Variants in GRM3 observed in about 807,000 individuals in gnomAD.
The protein encoded by GRM3 is metabotropic glutamate receptor 3.
In GRM3, 26 loss-of-function variants were observed where a neutral mutation model predicts 70.5. That is an observed-to-expected ratio of 0.37 (90% CI 0.27 to 0.51). The LOEUF is 0.51. Ranked by LOEUF, GRM3 falls within the 20% of genes least tolerant of loss-of-function variation. GRM3 has a pLI of 0.93. For missense variants in GRM3, 859 were observed against 1,123.8 expected, an observed-to-expected ratio of 0.76 and a Z score of 3.37; for synonymous variants, 443 against 434.9, an observed-to-expected ratio of 1.02 and a Z score of -0.23.
intron 3 of GRM3, among the ~76,000 whole-genome samples, chr7:86,792,230 T>C (rs561956950): frequency 2.7e-4 from 41 of 152,212 alleles, no homozygotes; most frequent in Admixed American, 2.6e-4. Context: ...AAGGCCTTCC[T>C]CAAAGATGAG....
intron 1 of GRM3, among the ~76,000 whole-genome samples, chr7:86,661,177 C>T (rs73398406): frequency 0.036 from 5,529 of 151,958 alleles, 321 homozygotes; most frequent in African/African-American, 0.12. Flanking sequence ...AGAATCACCC[C>T]GAACAAAGTA....
At chr7:86,757,237 A>G (rs1043745345) in intron 1 of GRM3, among the ~76,000 whole-genome samples, 10 of 152,184 alleles carry the variant, frequency 6.6e-5, no homozygotes, top group African/African-American at 2.4e-4. Flanking sequence ...TTATACTTAC[A>G]TGCTGGTTAT....
intron 3 of GRM3, among the ~76,000 whole-genome samples, chr7:86,810,223 G>C (rs768332677): frequency 1.3e-5 from 2 of 151,778 alleles, no homozygotes; most frequent in African/African-American, 2.4e-5. Flanking sequence ...TTTGTCAAAA[G>C]GTCAAGAAAA....
intron 3 of GRM3, among the ~76,000 whole-genome samples, chr7:86,822,970 A>G (rs74477759): frequency 0.01 from 1,596 of 152,234 alleles, 14 homozygotes; most frequent in Non-Finnish European, 0.016. Context: ...AAGAACAGAA[A>G]TTTCAGCTAA....
At chr7:86,712,507 T>C (rs1461023094) in intron 1 of GRM3, among the ~76,000 whole-genome samples, 1 of 152,186 alleles carries the variant, frequency 6.6e-6, no homozygotes, top group East Asian at 1.9e-4. Context: ...AATTATTCCC[T>C]TCCAGGTATT....
rs1232791192 is a variant in GRM3, at chr7:86,786,464, G to A, written c.672G>A (p.Glu224=). The A allele has an allele frequency of 1.9e-6, 3 of 1,614,254 alleles. No individual in the cohort carries two copies. The highest frequency in any genetic ancestry group is 2.5e-6 in the Non-Finnish European group (3 of 1,180,044). Reference sequence around the variant, plus strand: ...TAGCCTCCGAGGGTGATTACGGGGAGACAGGGATCGAGGCCTTCGAGCAGG... The same window carrying A: ...TAGCCTCCGAGGGTGATTACGGGGAAACAGGGATCGAGGCCTTCGAGCAGG... ...STVASEGDYG[E]TGIEAFEQEA... Residue 224 remains glutamate, a synonymous_variant, in exon 3 of 6, where the codon GAG becomes GAA. Transcript: ENST00000361669. This position sits in a 1 kb window ranked among gnomAD's most constrained non-coding sequence, Gnocchi z 6.0.
At chr7:86,684,706 CAG>C (rs1245617678) in intron 1 of GRM3, among the ~76,000 whole-genome samples, 8 of 152,144 alleles carry the variant, frequency 5.3e-5, no homozygotes, top group Non-Finnish European at 1.0e-4. Context: ...AATATGGTAA[CAG>C]TGTTTAATCA....
intron 3 of GRM3, among the ~76,000 whole-genome samples, chr7:86,838,259 A>T (rs747630884): frequency 2.0e-5 from 3 of 152,218 alleles, no homozygotes; most frequent in Non-Finnish European, 4.4e-5. Flanking sequence ...AATATCCAAA[A>T]TATTAAACTA....
At chr7:86,688,696 A>C (rs534331724) in intron 1 of GRM3, among the ~76,000 whole-genome samples, 9 of 149,612 alleles carry the variant, frequency 6.0e-5, no homozygotes, top group Non-Finnish European at 1.3e-4. Context: ...TATCATATAT[A>C]TATATGAGAA....
At chr7:86,716,536 C>T (rs1795320576) in intron 1 of GRM3, among the ~76,000 whole-genome samples, 1 of 151,728 alleles carries the variant, frequency 6.6e-6, no homozygotes, top group Admixed American at 6.6e-5. Context: ...TATCCTTATC[C>T]ACAAGGTATC....
chr7:86,688,430 C>G (rs1794616844), intron 1 of GRM3, among the ~76,000 whole-genome samples: 1 of 151,528 alleles, frequency 6.6e-6, no homozygotes, highest in Admixed American at 6.6e-5. Flanking sequence ...AGGGTTAAGT[C>G]CATAGCAAGC....
At chr7:86,804,088 C>G (rs1797738312) in intron 3 of GRM3, among the ~76,000 whole-genome samples, 1 of 152,110 alleles carries the variant, frequency 6.6e-6, no homozygotes, top group South Asian at 2.1e-4. Context: ...ATTCTTGGAT[C>G]ATTGCACAGT....
intron 2 of GRM3, among the ~76,000 whole-genome samples, chr7:86,767,559 A>AT (rs1491358682): frequency 8.9e-5 from 11 of 123,008 alleles, no homozygotes; most frequent in African/African-American, 2.4e-4. Flanking sequence ...ATATATATAT[A>AT]AATGAAGTAT....
rs564569341 is a variant in GRM3 at position 86,782,056 on chromosome 7, C to T, written c.469-4205C>T. 5.9e-5 allele frequency among the ~76,000 whole-genome samples: 9 copies of T among 152,260 alleles called. No homozygotes were observed. The South Asian group carries it at 8.3e-4, about 14-fold the overall frequency. The stretch of plus-strand genomic sequence containing the variant: ...CCATGCTGATTCCTAGTACTTTCCT[C>T]GTTCAGTTCTAAGTGTTTCCATGCT... On this transcript the variant is annotated intron_variant, in intron 2 of 5. Transcript: ENST00000361669.
intron 3 of GRM3, among the ~76,000 whole-genome samples, chr7:86,800,307 G>C (rs1403895727): frequency 6.6e-6 from 1 of 152,110 alleles, no homozygotes; most frequent in Non-Finnish European, 1.5e-5. Flanking sequence ...AACTGAAGGA[G>C]ATAGAGACAT....
At chr7:86,690,100 CA>C (rs1794662281) in intron 1 of GRM3, among the ~76,000 whole-genome samples, 3 of 152,050 alleles carry the variant, frequency 2.0e-5, no homozygotes, top group Non-Finnish European at 4.4e-5. Context: ...CAATGACAGG[CA>C]AGGGGCCTGT....
chr7:86,764,703 GA>G lies in GRM3; in HGVS notation c.-140-294del, dbSNP rs531499653. On this transcript the variant is annotated intron_variant, in intron 1 of 5. Transcript: ENST00000361669. Reference sequence around the variant, plus strand: ...AGAGTACTGGACTTGGCTTTCAAAAGAAAAAAAAACAAAACACAAAAAAACT... The same window carrying G: ...AGAGTACTGGACTTGGCTTTCAAAAGAAAAAAAACAAAACACAAAAAAACT... Among the ~76,000 whole-genome samples, 199 of 149,294 alleles carry G rather than the reference GA, an allele frequency of 1.3e-3. 2 individuals carry two copies. The highest frequency in any genetic ancestry group is 4.6e-3 in the African/African-American group (188 of 40,664).
chr7:86,681,873 A>G (rs1042744385), intron 1 of GRM3, among the ~76,000 whole-genome samples: 5 of 152,172 alleles, frequency 3.3e-5, no homozygotes, highest in Non-Finnish European at 1.5e-5. Flanking sequence ...ATTCCTGAGA[A>G]AAAAAGTTCT....
chr7:86,736,373 G>A (rs2116302227), intron 1 of GRM3, among the ~76,000 whole-genome samples: 1 of 152,320 alleles, frequency 6.6e-6, no homozygotes, highest in South Asian at 2.1e-4. Context: ...TGTGATTAAT[G>A]TAGCTGCCAA....
Sources: allele counts gnomAD v4.1 joint callset (sites outside exome capture counted in the v4.1 genomes callset), GRCh38; gene constraint gnomAD v4.1.1; non-coding constraint Gnocchi (gnomAD v3.1); transcripts MANE v1.5; gene names NCBI Gene and HGNC (gene_info 2026-07-23, HGNC 2026-07-21).